Variants in SLC44A5 observed in about 807,000 individuals in gnomAD.
SLC44A5 encodes solute carrier family 44 member 5.
A neutral mutation model predicts 101.8 loss-of-function variants in SLC44A5; 57 were observed. The observed-to-expected ratio is 0.56, with a 90% CI of 0.45 to 0.70. The LOEUF (loss-of-function observed/expected upper bound fraction) is 0.70, where lower values mean the gene tolerates loss of function less well. Among genes scored for constraint, SLC44A5 ranks in the 30% least tolerant of loss-of-function variants. The probability of loss-of-function intolerance (pLI) is 0.00; values close to 1 mark genes in which losing one functional copy is unlikely to be tolerated. For synonymous variants in SLC44A5, 281 were observed against 290.9 expected (o/e 0.97, Z 0.35); for missense variants, 737 against 853.1 (o/e 0.86, Z 1.70).
At chr1:75,538,679 A>G (rs1194503710) in intron 2 of SLC44A5, among the ~76,000 whole-genome samples, 1 of 152,220 alleles carries the variant, frequency 6.6e-6, no homozygotes, top group Non-Finnish European at 1.5e-5. Context: ...AGTGTGGGTA[A>G]ACTGTCAGCT....
At chr1:75,678,090 T>C in the SLC44A5 span, among the ~76,000 whole-genome samples, 1 of 152,270 alleles carries the variant, frequency 6.6e-6, no homozygotes, top group Admixed American at 6.5e-5. Flanking sequence ...GATTATATCC[T>C]GCACCTGGCT....
intron 10 of SLC44A5, 122 bp downstream of exon 10, chr1:75,238,391 T>TATATATATATATATATATAC: frequency 1.1e-5 from 1 of 94,030 alleles, no homozygotes; most frequent in Non-Finnish European, 2.1e-5. Context: ...ATTTCATATA[T>TATATATATATATATATATAC]ATATATATAT....
the SLC44A5 span, among the ~76,000 whole-genome samples, chr1:75,711,376 T>C: frequency 5.3e-5 from 8 of 151,702 alleles, no homozygotes; most frequent in South Asian, 2.1e-4. Flanking sequence ...ATCAACCAAG[T>C]GACCTACACA....
At chr1:75,490,882 C>T (rs149810987) in intron 2 of SLC44A5, among the ~76,000 whole-genome samples, 134 of 151,860 alleles carry the variant, frequency 8.8e-4, no homozygotes, top group African/African-American at 2.5e-3. Context: ...TTAGTAGGTA[C>T]GACTTACTTA....
chr1:75,210,638 A>C (rs527975406), intron 23 of SLC44A5, among the ~76,000 whole-genome samples: 3 of 152,278 alleles, frequency 2.0e-5, no homozygotes, highest in Admixed American at 2.0e-4. Flanking sequence ...TCTAGTTCCC[A>C]GAGTCCTGTT....
the SLC44A5 span, among the ~76,000 whole-genome samples, chr1:75,656,497 A>G: frequency 6.6e-6 from 1 of 152,208 alleles, no homozygotes; most frequent in Non-Finnish European, 1.5e-5. Flanking sequence ...TTCAGAAAAC[A>G]TAAAGTCAAA....
chr1:75,416,835 T>G (rs770647742), intron 2 of SLC44A5, among the ~76,000 whole-genome samples: 8 of 152,238 alleles, frequency 5.3e-5, no homozygotes, highest in Non-Finnish European at 1.0e-4. Context: ...TGTAGCCCCT[T>G]TGTTTTGGCC....
rs755247352 is a variant in SLC44A5 at position 75,214,640 on chromosome 1, T to G, written c.1767A>C (p.Lys589Asn). ...IYGRNFCRSA[K>N]DAFNLLMRNV... is the part of the protein sequence containing the mutation. ...TTCTCATCAGCAGATTGAAAGCATC[T>G]TTTGCTGACCTGCAGAAGTTTCTGC... The change falls in exon 20 of 24, where the codon AAA becomes AAC. Residue 589 changes from lysine to asparagine, a missense_variant. Physicochemically the swap from Lys to Asn is moderately conservative, Grantham distance 94. This residue lies in a region of SLC44A5 where 665 missense variants were observed against 764.4 expected (regional missense o/e 0.87). Transcript: ENST00000370859. The G allele has an allele frequency of 6.2e-7, 1 of 1,611,844 alleles. No homozygotes were observed. The highest frequency in any genetic ancestry group is 1.1e-5 in the South Asian group (1 of 90,624).
At chr1:75,662,746 C>T in the SLC44A5 span, among the ~76,000 whole-genome samples, 1 of 151,994 alleles carries the variant, frequency 6.6e-6, no homozygotes, top group Non-Finnish European at 1.5e-5. Context: ...TTTGATATAA[C>T]CAGTTAATAA....
the SLC44A5 span, among the ~76,000 whole-genome samples, chr1:75,683,749 A>G: frequency 1.8e-5 from 2 of 108,804 alleles, no homozygotes; most frequent in Non-Finnish European, 3.8e-5. Flanking sequence ...TAAAACTTAA[A>G]GTATAATAAC....
chr1:75,597,333 A>G (rs1674699270), intron 1 of SLC44A5, among the ~76,000 whole-genome samples: 1 of 152,210 alleles, frequency 6.6e-6, no homozygotes, highest in Non-Finnish European at 1.5e-5. Context: ...TCCCATGCCC[A>G]TGGACAGAAA....
intron 2 of SLC44A5, among the ~76,000 whole-genome samples, chr1:75,455,676 C>A (rs75605553): frequency 0.22 from 32,842 of 151,854 alleles, 3,668 homozygotes; most frequent in Non-Finnish European, 0.24. Flanking sequence ...AAACAAATAA[C>A]CCCATTGAAA....
chr1:75,409,757 CACAA>C (rs1663153139), intron 2 of SLC44A5, among the ~76,000 whole-genome samples: 2 of 151,970 alleles, frequency 1.3e-5, no homozygotes, highest in African/African-American at 4.8e-5. Context: ...CTTCCCAAAA[CACAA>C]TGCTACTACA....
chr1:75,402,080 G>A (rs1472818974), intron 2 of SLC44A5, among the ~76,000 whole-genome samples: 2 of 152,188 alleles, frequency 1.3e-5, no homozygotes, highest in Non-Finnish European at 2.9e-5. Flanking sequence ...CTATAGAATG[G>A]TTACAGGGGA....
the SLC44A5 span, among the ~76,000 whole-genome samples, chr1:75,618,288 T>C: frequency 1.3e-5 from 2 of 152,310 alleles, no homozygotes; most frequent in Middle Eastern, 3.4e-3. Context: ...ATGCATTATC[T>C]CAATTAAGGT....
At chr1:75,499,740 T>C (rs1668856000) in intron 2 of SLC44A5, among the ~76,000 whole-genome samples, 1 of 152,218 alleles carries the variant, frequency 6.6e-6, no homozygotes, top group African/African-American at 2.4e-5. Flanking sequence ...TATCATTTCA[T>C]GTGAACACAC....
intron 5 of SLC44A5, among the ~76,000 whole-genome samples, chr1:75,279,721 A>C (rs925829601): frequency 6.6e-6 from 1 of 151,702 alleles, no homozygotes; most frequent in Non-Finnish European, 1.5e-5. Context: ...TTTTTTTACA[A>C]CTTATAAAGT....
At chr1:75,220,712 A>G (rs909639220) in intron 14 of SLC44A5, among the ~76,000 whole-genome samples, 7 of 152,160 alleles carry the variant, frequency 4.6e-5, no homozygotes, top group Non-Finnish European at 8.8e-5. Context: ...TCAGCATATG[A>G]CACTGGATTA....
At chr1:75,352,991 C>T (rs1030717694) in intron 3 of SLC44A5, among the ~76,000 whole-genome samples, 2 of 152,066 alleles carry the variant, frequency 1.3e-5, no homozygotes, top group Admixed American at 1.3e-4. Context: ...TTTACTATTT[C>T]TTATACATTC....
Sources: gnomAD v4.1 joint callset for allele counts (sites outside exome capture counted in the v4.1 genomes callset) on GRCh38, gnomAD v4.1.1 for gene constraint, gnomAD v4.1.1 regional missense constraint, MANE v1.5 for transcripts, NCBI Gene and HGNC (gene_info 2026-07-23, HGNC 2026-07-21) for gene names.